Variants in STK3 observed in about 807,000 individuals in gnomAD.
STK3 encodes the protein serine/threonine kinase 3.
STK3 carries 41 observed loss-of-function variants against 58.0 expected under a neutral mutation model. That is an observed-to-expected ratio of 0.71 (90% CI 0.55 to 0.92). STK3 has a LOEUF of 0.92. Among genes scored for constraint, STK3 ranks in the 40% least tolerant of loss-of-function variants. The probability of loss-of-function intolerance (pLI) is 0.00; values close to 1 mark genes in which losing one functional copy is unlikely to be tolerated. For missense variants in STK3, 479 were observed against 602.7 expected (o/e 0.79, Z 2.15); for synonymous variants, 170 against 191.0 (o/e 0.89, Z 0.91).
chr8:98,427,779 T>G, intron 3 of STK3: 3 of 535,430 alleles, frequency 5.6e-6, no homozygotes, highest in East Asian at 3.1e-5. Context: ...CCCCCAGCCT[T>G]TCCTGGGAGG....
At chr8:98,618,590 T>C (rs1817976809) in intron 6 of STK3, among the ~76,000 whole-genome samples, 1 of 146,928 alleles carries the variant, frequency 6.8e-6, no homozygotes, top group Admixed American at 6.8e-5. Flanking sequence ...AAAATCTCCT[T>C]AAGCTGATAA....
At chr8:98,836,980 C>A (rs1327088548) in intron 3 of STK3, among the ~76,000 whole-genome samples, 3 of 152,062 alleles carry the variant, frequency 2.0e-5, no homozygotes, top group Non-Finnish European at 4.4e-5. Flanking sequence ...CATTACATAT[C>A]CATGTGGCAT....
At chr8:98,552,756 G>GTT (rs1351676890) in intron 8 of STK3, among the ~76,000 whole-genome samples, 1 of 152,066 alleles carries the variant, frequency 6.6e-6, no homozygotes, top group Admixed American at 6.6e-5. Context: ...ACAAGAGACT[G>GTT]TTTTAACCTC....
chr8:98,779,667 T>A (rs116766211), intron 1 of STK3, among the ~76,000 whole-genome samples: 2,676 of 152,212 alleles, frequency 0.018, 89 homozygotes, highest in African/African-American at 0.06. Context: ...AAAACAAAAT[T>A]CAGAAATCTG....
chr8:98,925,190 G>A (rs1208585489), intron 1 of STK3, among the ~76,000 whole-genome samples: 1 of 152,106 alleles, frequency 6.6e-6, no homozygotes, highest in African/African-American at 2.4e-5. Context: ...CTATGTGCAG[G>A]GCTGCCATTG....
Position 98,838,861 on chromosome 8 carries a change from C to T in STK3, c.110+44786G>A, listed in dbSNP as rs192925223. Among the ~76,000 whole-genome samples, 976 of 152,098 alleles carry T rather than the reference C, an allele frequency of 6.4e-3. 5 individuals are homozygous for T. Among genetic ancestry groups the T allele is most frequent in the Admixed American group, 9.1e-3 (139 of 15,266 alleles). On this transcript the variant is annotated intron_variant, in intron 3 of 12. Coordinates refer to the STK3 transcript ENST00000523601. ...CTCATACTCACCCTTCTCTCCCTCCCCGCAATCCCGCCCCCACCCTACCAT... is the reference window on the plus strand; with the variant it reads ...CTCATACTCACCCTTCTCTCCCTCCTCGCAATCCCGCCCCCACCCTACCAT...
intron 6 of STK3, among the ~76,000 whole-genome samples, chr8:98,614,267 A>G (rs896774391): frequency 6.6e-6 from 1 of 152,164 alleles, no homozygotes; most frequent in African/African-American, 2.4e-5. Flanking sequence ...AAGAGAGAAC[A>G]TATACTGAGG....
At chr8:98,399,002 G>T (rs1817920668), downstream of STK3, among the ~76,000 whole-genome samples, 1 of 152,168 alleles carries the variant, frequency 6.6e-6, no homozygotes, top group Non-Finnish European at 1.5e-5. Flanking sequence ...AAGAGGTCCT[G>T]GTCCCCAGCA....
chr8:98,902,090 C>T (rs1202100152), intron 1 of STK3, among the ~76,000 whole-genome samples: 3 of 152,124 alleles, frequency 2.0e-5, no homozygotes, highest in Non-Finnish European at 4.4e-5. Context: ...CTCTCCCGCG[C>T]TTTCTTCTGC....
Position 98,465,678 on chromosome 8 carries a change from C to T in STK3, c.1318-9678G>A, listed in dbSNP as rs903237487. Among the ~76,000 whole-genome samples, 7 of 152,198 alleles carry T rather than the reference C, an allele frequency of 4.6e-5. No individual in the cohort carries two copies. The South Asian group carries it at 1.4e-3, about 32-fold the overall frequency. Reference sequence around the variant, plus strand: ...CAATAAAACATGTCTCCTTCACATTCCAGTGAGACTTTGCCTATGTCTGTT... The same window carrying T: ...CAATAAAACATGTCTCCTTCACATTTCAGTGAGACTTTGCCTATGTCTGTT... On this transcript the variant is annotated intron_variant, in intron 10 of 10. Coordinates refer to ENST00000419617, the MANE Select transcript of STK3 (RefSeq NM_006281.4).
chr8:98,412,015 GT>G (rs925813748), intron 3 of STK3, among the ~76,000 whole-genome samples: 3 of 152,154 alleles, frequency 2.0e-5, no homozygotes, highest in African/African-American at 7.2e-5. Flanking sequence ...GGCCCCTCCA[GT>G]TTAAAATCAG....
Position 98,663,243 on chromosome 8 carries a change from C to T in STK3, c.684+43224G>A, listed in dbSNP as rs368834684. Among the ~76,000 whole-genome samples, 140 of 152,258 alleles carry T rather than the reference C, an allele frequency of 9.2e-4. 2 individuals carry two copies. The highest frequency in any genetic ancestry group is 3.3e-3 in the African/African-American group (136 of 41,560). On this transcript the variant is annotated intron_variant, in intron 6 of 10. Coordinates refer to ENST00000419617, the MANE Select transcript of STK3 (RefSeq NM_006281.4). ...ACAGACACTTCTCAAAAGAAGACAT[C>T]TATGCAGCCAAAAGACACATGAAAA...
At chr8:98,538,434 C>G (rs984596075) in intron 9 of STK3, among the ~76,000 whole-genome samples, 1 of 152,138 alleles carries the variant, frequency 6.6e-6, no homozygotes, top group Non-Finnish European at 1.5e-5. Context: ...GTTAAAGAGA[C>G]TGAAATTATT....
At chr8:98,735,928 T>C (rs1197415364) in intron 4 of STK3, among the ~76,000 whole-genome samples, 1 of 152,166 alleles carries the variant, frequency 6.6e-6, no homozygotes, top group African/African-American at 2.4e-5. Flanking sequence ...GACAATCAGA[T>C]AATTTGTTTT....
chr8:98,642,015 T>A (rs889248842), intron 6 of STK3, among the ~76,000 whole-genome samples: 1 of 152,212 alleles, frequency 6.6e-6, no homozygotes, highest in Non-Finnish European at 1.5e-5. Flanking sequence ...TCACTACATG[T>A]TGACACTTTT....
chr8:98,430,985 A>T lies in STK3; in HGVS notation n.483+3142T>A, dbSNP rs892697167. The T allele has an allele frequency of 3.0e-5, 5 of 167,036 alleles. No individual in the cohort carries two copies. In the South Asian group the frequency reaches 8.3e-4, roughly 28 times the overall value. 10.3% of individuals were successfully genotyped at this position (167,036 alleles called of 1,614,324 possible). On this transcript the variant is annotated intron_variant and non_coding_transcript_variant, in intron 3 of 3. Coordinates refer to the STK3 transcript ENST00000517832. ...CTCTATAAGATAATTCTTCTCCATCATCTTTAAGGTAATCTGATGGTTTTC... is the reference window on the plus strand; with the variant it reads ...CTCTATAAGATAATTCTTCTCCATCTTCTTTAAGGTAATCTGATGGTTTTC...
chr8:98,801,695 T>C (rs1158315658), intron 1 of STK3, among the ~76,000 whole-genome samples: 1 of 152,030 alleles, frequency 6.6e-6, no homozygotes, highest in Non-Finnish European at 1.5e-5. Flanking sequence ...GGACACACCA[T>C]CTTTAAGAAC....
At chr8:98,344,665 G>A in the STK3 span, among the ~76,000 whole-genome samples, 2 of 151,872 alleles carry the variant, frequency 1.3e-5, no homozygotes, top group African/African-American at 2.4e-5. Flanking sequence ...AAGCCGAGGC[G>A]GGCGGATCAC....
rs1352695774 is a variant in STK3 at position 98,424,478 on chromosome 8, G to GGGCAAGGA, written n.483+9641_483+9648dup. Among the ~76,000 whole-genome samples, 12 of 152,330 alleles carry GGGCAAGGA rather than the reference G, an allele frequency of 7.9e-5. No homozygotes were observed. The East Asian group carries it at 2.3e-3, about 29-fold the overall frequency. On this transcript the variant is annotated intron_variant and non_coding_transcript_variant, in intron 3 of 3. Transcript: ENST00000517832. ...GCAAGAGCAGGGGCAGAGCTGAGAGGGGCAAGGAGTGGCCTCTGTTAGAGA... is the reference window on the plus strand; with the variant it reads ...GCAAGAGCAGGGGCAGAGCTGAGAGGGGCAAGGAGGCAAGGAGTGGCCTCTGTTAGAGA...
Sources: gnomAD v4.1 joint callset for allele counts (sites outside exome capture counted in the v4.1 genomes callset) on GRCh38, gnomAD v4.1.1 for gene constraint, MANE v1.5 for transcripts, NCBI Gene and HGNC (gene_info 2026-07-23, HGNC 2026-07-21) for gene names.